TEKT1: variants seen among roughly 807,000 people sequenced by gnomAD.
TEKT1 encodes tektin-1.
A neutral mutation model predicts 34.8 loss-of-function variants in TEKT1; 32 were observed. The ratio of observed to expected loss-of-function variants is 0.92; its 90% confidence interval spans 0.69 to 1.23. The LOEUF is 1.23. TEKT1 is among the 50% of genes most tolerant of loss of function. TEKT1 has a pLI of 0.00. For synonymous variants in TEKT1, 207 were observed against 199.8 expected (o/e 1.04, Z -0.30); for missense variants, 492 against 518.5 (o/e 0.95, Z 0.50).
intron 2 of TEKT1, among the ~76,000 whole-genome samples, chr17:6,827,757 C>A (rs1304124160): frequency 3.3e-5 from 5 of 152,056 alleles, no homozygotes; most frequent in African/African-American, 7.2e-5. Context: ...CTAAGAATTT[C>A]TTTAATTTCT....
chr17:6,830,159 C>A, intron 2 of TEKT1, 28 bp downstream of exon 2: 1 of 1,595,750 alleles, frequency 6.3e-7, no homozygotes, highest in South Asian at 1.1e-5. Flanking sequence ...CTAGCATGTT[C>A]ACGAATATGC....
intron 2 of TEKT1, among the ~76,000 whole-genome samples, chr17:6,826,690 A>AT (rs1167782661): frequency 1.4e-5 from 2 of 146,590 alleles, no homozygotes; most frequent in South Asian, 2.1e-4. Flanking sequence ...AGGGGTTGGG[A>AT]TTATTATTAT....
At chr17:6,827,946 C>T (rs1471071900) in intron 2 of TEKT1, among the ~76,000 whole-genome samples, 2 of 151,306 alleles carry the variant, frequency 1.3e-5, no homozygotes, top group Admixed American at 6.6e-5. Context: ...AATGATTTCT[C>T]TTCTTTTTTT....
chr17:6,804,067 T>C (rs376796914), intron 6 of TEKT1, among the ~76,000 whole-genome samples: 2 of 152,158 alleles, frequency 1.3e-5, no homozygotes, highest in East Asian at 1.9e-4. Flanking sequence ...GCCATTTTCA[T>C]AATATTGATT....
intron 2 of TEKT1, among the ~76,000 whole-genome samples, chr17:6,826,310 T>C (rs1196248148): frequency 6.6e-6 from 1 of 152,232 alleles, no homozygotes; most frequent in African/African-American, 2.4e-5. Flanking sequence ...TGCCTTTTTC[T>C]TTTGTATTCT....
At chr17:6,823,011 A>G (rs1977114464) in intron 2 of TEKT1, among the ~76,000 whole-genome samples, 2 of 152,222 alleles carry the variant, frequency 1.3e-5, no homozygotes, top group South Asian at 4.1e-4. Context: ...CTCCACAGAA[A>G]AGTCCTCCAG....
At chr17:6,815,527 C>A (rs1976993552) in intron 4 of TEKT1, among the ~76,000 whole-genome samples, 5 of 152,174 alleles carry the variant, frequency 3.3e-5, no homozygotes. Context: ...TCTACTGTTA[C>A]ATTTTCCAGT....
intron 2 of TEKT1, among the ~76,000 whole-genome samples, chr17:6,827,257 ATT>A (rs34162124): frequency 0.023 from 2,905 of 124,216 alleles, 67 homozygotes; most frequent in African/African-American, 0.088. Flanking sequence ...AGTTGTGCCA[ATT>A]TTTTTTTTTT....
intron 1 of TEKT1, 24 bp downstream of exon 1, chr17:6,831,625 G>A (rs187456670): frequency 6.6e-6 from 1 of 152,274 alleles, no homozygotes; most frequent in East Asian, 1.9e-4. Flanking sequence ...AGGGGTCGGT[G>A]GGGTGGGGTC....
chr17:6,807,053 T>C (rs1378874054), intron 6 of TEKT1, among the ~76,000 whole-genome samples: 1 of 152,236 alleles, frequency 6.6e-6, no homozygotes, highest in Non-Finnish European at 1.5e-5. Flanking sequence ...GATAATATAC[T>C]GCAGAGTGTT....
At chr17:6,807,896 G>A (rs1360490520) in intron 6 of TEKT1, among the ~76,000 whole-genome samples, 1 of 152,204 alleles carries the variant, frequency 6.6e-6, no homozygotes, top group Non-Finnish European at 1.5e-5. Flanking sequence ...GTGCCTCCCA[G>A]TTAGGCTACT....
rs201645311 is a variant in TEKT1, at chr17:6,815,202, T to C, written c.590A>G (p.Asn197Ser). ...CACGGCGTTCTCAGAATATCTGATG[T>C]TTGGTGAGTTGTTGTTGAGCGAGAA... The part of the protein sequence containing the change: ...ICFSLNNNSP[N>S]IRYSENAVRI... Residue 197 changes from asparagine to serine, a missense_variant, in exon 5 of 8, where the codon AAC becomes AGC. Physicochemically the swap from Asn to Ser is conservative, Grantham distance 46 (BLOSUM62 1). Coordinates refer to ENST00000338694, the MANE Select transcript of TEKT1 (RefSeq NM_053285.2). The C allele has an allele frequency of 6.2e-7, 1 of 1,614,108 alleles. No individual in the cohort carries two copies. The highest frequency in any genetic ancestry group is 2.2e-5 in the East Asian group (1 of 44,878).
chr17:6,831,285 C>G (rs371157337), intron 1 of TEKT1, among the ~76,000 whole-genome samples: 1 of 152,170 alleles, frequency 6.6e-6, no homozygotes, highest in Non-Finnish European at 1.5e-5. Flanking sequence ...AATCTGCCCC[C>G]ACTCCCATCT....
chr17:6,816,934 T>C (rs989528880), intron 3 of TEKT1, among the ~76,000 whole-genome samples: 2 of 152,218 alleles, frequency 1.3e-5, no homozygotes, highest in Non-Finnish European at 2.9e-5. Flanking sequence ...CTAACTAGCA[T>C]GAGATGGTAT....
intron 1 of TEKT1, 122 bp from the exon 2 acceptor site, chr17:6,830,515 A>T: frequency 1.4e-6 from 1 of 722,112 alleles, no homozygotes; most frequent in Non-Finnish European, 2.1e-6. Context: ...ACACAAAATA[A>T]ATCTATCTGT....
rs71370464 is a variant in TEKT1, at chr17:6,799,102, G to C, written c.*925C>G. The C allele has an allele frequency of 8.5e-5, 13 of 152,212 alleles. No homozygotes were observed. The highest frequency in any genetic ancestry group is 2.1e-4 in the South Asian group (1 of 4,830). 9.4% of individuals were successfully genotyped at this position (152,212 alleles called of 1,614,324 possible). On this transcript the variant is annotated 3_prime_UTR_variant, in exon 8 of 8. Transcript: ENST00000338694. ...TTTCCCACAGCAAATGTCTTCCTTT[G>C]ACAGTCACCCACATAGATCTCTGAC...
chr17:6,821,180 C>T (rs188254145), intron 2 of TEKT1, among the ~76,000 whole-genome samples: 5 of 152,112 alleles, frequency 3.3e-5, no homozygotes, highest in Non-Finnish European at 7.4e-5. Flanking sequence ...GCCAGATATA[C>T]CCTTTGATAT....
chr17:6,831,281 C>T (rs1453409585), intron 1 of TEKT1, among the ~76,000 whole-genome samples: 2 of 152,254 alleles, frequency 1.3e-5, no homozygotes, highest in East Asian at 1.9e-4. Flanking sequence ...CTGAAATCTG[C>T]CCCCACTCCC....
At chr17:6,809,218 T>C (rs1976891726) in intron 6 of TEKT1, among the ~76,000 whole-genome samples, 1 of 152,064 alleles carries the variant, frequency 6.6e-6, no homozygotes, top group East Asian at 1.9e-4. Context: ...TTGTACAATC[T>C]ATGAGTTTTG....
Sources: gnomAD v4.1 joint callset for allele counts (sites outside exome capture counted in the v4.1 genomes callset) on GRCh38, gnomAD v4.1.1 for gene constraint, MANE v1.5 for transcripts, NCBI Gene and HGNC (gene_info 2026-07-23, HGNC 2026-07-21) for gene names.